The following EFCAB8 variants were observed in gnomAD, a reference collection of about 807,000 sequenced individuals.
EFCAB8 encodes EF-hand calcium-binding domain-containing protein 8.
Under a neutral mutation model 116.3 loss-of-function variants are expected in EFCAB8, and 100 were observed. The observed-to-expected ratio is 0.86, with a 90% CI of 0.73 to 1.02. The LOEUF (loss-of-function observed/expected upper bound fraction) is 1.02, where lower values mean the gene tolerates loss of function less well. Among genes scored for constraint, EFCAB8 ranks in the 50% least tolerant of loss-of-function variants. The pLI is 0.00. For synonymous variants in EFCAB8, 558 were observed against 567.9 expected, an observed-to-expected ratio of 0.98 and a Z score of 0.25; for missense variants, 1,320 against 1,416.9, an observed-to-expected ratio of 0.93 and a Z score of 1.10.
At chr20:32,907,745 G>C (rs191126333) in intron 13 of EFCAB8, among the ~76,000 whole-genome samples, 5 of 152,200 alleles carry the variant, frequency 3.3e-5, no homozygotes, top group Non-Finnish European at 5.9e-5. Context: ...GACAGGGACA[G>C]TCTCGCTGAG....
At chr20:32,945,088 C>T (rs1988544343) in intron 23 of EFCAB8, among the ~76,000 whole-genome samples, 1 of 151,970 alleles carries the variant, frequency 6.6e-6, no homozygotes, top group African/African-American at 2.4e-5. Flanking sequence ...ATCAAGCCTG[C>T]TGTAGATGAC....
intron 2 of EFCAB8, among the ~76,000 whole-genome samples, chr20:32,865,533 C>G (rs1256901538): frequency 1.3e-5 from 2 of 151,990 alleles, no homozygotes; most frequent in Admixed American, 1.3e-4. Flanking sequence ...CGCAGTGGCC[C>G]ATATCTGTAA....
intron 13 of EFCAB8, 92 bp downstream of exon 13, chr20:32,907,086 A>C: frequency 6.9e-7 from 1 of 1,439,308 alleles, no homozygotes; most frequent in Non-Finnish European, 9.1e-7. Flanking sequence ...ACGGCCCCAC[A>C]TCTGGCCAAA....
intron 6 of EFCAB8, among the ~76,000 whole-genome samples, chr20:32,888,394 T>G (rs984225867): frequency 6.6e-6 from 1 of 152,162 alleles, no homozygotes; most frequent in Non-Finnish European, 1.5e-5. Flanking sequence ...CCCAGCTAAC[T>G]TTTGTATTTT....
At chr20:32,915,438 C>T (rs1015652187) in intron 17 of EFCAB8, among the ~76,000 whole-genome samples, 7 of 152,126 alleles carry the variant, frequency 4.6e-5, no homozygotes, top group Non-Finnish European at 8.8e-5. Flanking sequence ...CTCTAGTTTC[C>T]GATAACATGT....
chr20:32,893,453 C>A, intron 9 of EFCAB8, 155 bp downstream of exon 9: 1 of 719,492 alleles, frequency 1.4e-6, no homozygotes, highest in Non-Finnish European at 1.7e-6. Context: ...TGCCGCTCAG[C>A]TCAGCACAGA....
At position 32,920,294 on chromosome 20, in the gene EFCAB8, GGGGCCT is replaced by G; in HGVS notation, c.2412+84_2412+89del. The stretch of plus-strand genomic sequence containing the variant: ...GATTGGGTGGTCAGGATGGGGCTCG[GGGGCCT>G]GGGCTCGGGGCCCGGCCTGATTCTC... On this transcript the variant is annotated intron_variant, in intron 20 of 26. Coordinates refer to ENST00000400522, the MANE Select transcript of EFCAB8 (RefSeq NM_001143967.2). 3 of 1,509,972 alleles carry G rather than the reference GGGGCCT, an allele frequency of 2.0e-6. No homozygotes were observed. In the South Asian group the frequency reaches 3.8e-5, roughly 19 times the overall value. The allele number at this position is 1,509,972 out of a possible 1,614,324, so 93.5% of individuals were successfully genotyped here.
At chr20:32,910,971 C>T (rs1396698529) in intron 15 of EFCAB8, among the ~76,000 whole-genome samples, 1 of 152,086 alleles carries the variant, frequency 6.6e-6, no homozygotes, top group Non-Finnish European at 1.5e-5. Context: ...CTTCTGACCT[C>T]AAGTGATCCA....
chr20:32,859,117 G>A (rs935108893), intron 1 of EFCAB8, 111 bp downstream of exon 1: 3 of 452,196 alleles, frequency 6.6e-6, no homozygotes, highest in African/African-American at 2.0e-5. Flanking sequence ...TGTCCTGGCT[G>A]GCTTTCAATG....
chr20:32,954,351 A>G (rs914672117), intron 23 of EFCAB8, among the ~76,000 whole-genome samples: 12 of 152,170 alleles, frequency 7.9e-5, no homozygotes, highest in African/African-American at 2.9e-4. Flanking sequence ...GCATGTGGCA[A>G]TTCGGTTTTC....
At chr20:32,866,283 G>C (rs1000132821) in intron 2 of EFCAB8, among the ~76,000 whole-genome samples, 7 of 152,172 alleles carry the variant, frequency 4.6e-5, no homozygotes, top group African/African-American at 1.7e-4. Context: ...TTAATCCCTT[G>C]TCTTTTGGCT....
chr20:32,889,201 G>A, intron 6 of EFCAB8, 100 bp from the exon 7 acceptor site: 1 of 993,038 alleles, frequency 1.0e-6, no homozygotes, highest in South Asian at 1.5e-5. Flanking sequence ...TGCCAGGTCT[G>A]TGGTGGCTCC....
Position 32,909,982 on chromosome 20 carries a change from C to G in EFCAB8, c.1557+51C>G. The G allele has an allele frequency of 3.0e-6, 3 of 1,009,296 alleles. No homozygotes were observed. In the South Asian group the frequency reaches 1.5e-4, roughly 52 times the overall value. The allele number at this position is 1,009,296 out of a possible 1,614,324, so 62.5% of individuals were successfully genotyped here. A position where few individuals can be genotyped will look rare whatever the true frequency, so the allele number is the denominator to read the frequency against. On this transcript the variant is annotated intron_variant, in intron 15 of 26. Transcript: ENST00000400522. ...AGGCTGGCGGGAACACCAGGTGACA[C>G]GGGGCAGAACCAGACCTCCCTGTGT...
intron 5 of EFCAB8, 82 bp from the exon 6 acceptor site, chr20:32,885,423 G>C: frequency 6.6e-7 from 1 of 1,521,150 alleles, no homozygotes; most frequent in Non-Finnish European, 8.8e-7. Flanking sequence ...CCTCCTCCTC[G>C]GTGGCTCTCT....
intron 17 of EFCAB8, chr20:32,917,024 T>A: frequency 2.5e-6 from 1 of 403,108 alleles, no homozygotes; most frequent in Non-Finnish European, 4.5e-6. Flanking sequence ...CCTTTAAACC[T>A]TAATCCTTAC....
At chr20:32,940,823 A>T (rs1453323446) in intron 22 of EFCAB8, among the ~76,000 whole-genome samples, 2 of 150,130 alleles carry the variant, frequency 1.3e-5, no homozygotes, top group African/African-American at 4.9e-5. Flanking sequence ...ATGATGGTGA[A>T]CATCATTAGC....
chr20:32,902,771 G>GTCAGCC (rs540704559), intron 11 of EFCAB8, among the ~76,000 whole-genome samples: 81 of 152,352 alleles, frequency 5.3e-4, no homozygotes, highest in African/African-American at 1.9e-3. Flanking sequence ...TGCCTCTGGA[G>GTCAGCC]TCAGCCTCAG....
intron 20 of EFCAB8, among the ~76,000 whole-genome samples, chr20:32,921,828 A>C (rs1041624194): frequency 8.3e-6 from 1 of 120,036 alleles, no homozygotes; most frequent in African/African-American, 3.3e-5. Context: ...TTGTTACCTT[A>C]TTCTTTTTTT....
At chr20:32,926,654 TC>T (rs542291138) in intron 20 of EFCAB8, among the ~76,000 whole-genome samples, 5,174 of 119,106 alleles carry the variant, frequency 0.043, 139 homozygotes, top group Non-Finnish European at 0.067. Flanking sequence ...ATGCTATCCC[TC>T]CCCCCTCCCC....
Sources: allele counts gnomAD v4.1 joint callset (sites outside exome capture counted in the v4.1 genomes callset), GRCh38; gene constraint gnomAD v4.1.1; transcripts MANE v1.5; gene names NCBI Gene and HGNC (gene_info 2026-07-23, HGNC 2026-07-21).